GRIP2: variants seen among roughly 807,000 people sequenced by gnomAD.
GRIP2 encodes the protein glutamate receptor-interacting protein 2.
In GRIP2, 58 loss-of-function variants were observed where a neutral mutation model predicts 108.3. That is an observed-to-expected ratio of 0.54 (90% CI 0.43 to 0.67). The LOEUF is 0.67. Among genes scored for constraint, GRIP2 ranks in the 30% least tolerant of loss-of-function variants. The pLI, the probability that GRIP2 is intolerant of heterozygous loss-of-function variation, is 0.00. For synonymous variants in GRIP2, 586 were observed against 598.2 expected, an observed-to-expected ratio of 0.98 and a Z score of 0.30; for missense variants, 1,278 against 1,430.6, an observed-to-expected ratio of 0.89 and a Z score of 1.72.
chr3:14,518,348 G>A (rs1575009881), intron 9 of GRIP2, among the ~76,000 whole-genome samples: 4 of 152,184 alleles, frequency 2.6e-5, no homozygotes, highest in Admixed American at 6.5e-5. Context: ...GCTGAGCACC[G>A]GGGCACTAGG....
At chr3:14,566,073 C>A in the GRIP2 span, among the ~76,000 whole-genome samples, 2 of 152,236 alleles carry the variant, frequency 1.3e-5, no homozygotes, top group Non-Finnish European at 2.9e-5. Context: ...TCTCAGACAG[C>A]CCAGCCTTGC....
chr3:14,569,053 G>A, the GRIP2 span, among the ~76,000 whole-genome samples: 4 of 152,192 alleles, frequency 2.6e-5, no homozygotes, highest in Admixed American at 2.6e-4. Flanking sequence ...CTGACAGGCA[G>A]AAGCTGGGCC....
chr3:14,544,287 T>C (rs1009968169), upstream of GRIP2, among the ~76,000 whole-genome samples: 1 of 152,154 alleles, frequency 6.6e-6, no homozygotes, highest in Non-Finnish European at 1.5e-5. Context: ...GGGGCACCAC[T>C]GGCACTAGAG....
At chr3:14,493,950 A>G in intron 23 of GRIP2, 124 bp from the exon 24 acceptor site, 2 of 869,096 alleles carry the variant, frequency 2.3e-6, no homozygotes, top group South Asian at 3.7e-5. Flanking sequence ...CCCTGACATC[A>G]CCAGCACCAC....
At chr3:14,578,652 G>C in the GRIP2 span, among the ~76,000 whole-genome samples, 6 of 152,032 alleles carry the variant, frequency 3.9e-5, no homozygotes, top group African/African-American at 7.3e-5. Context: ...GGGAGGCAAA[G>C]GTTGCAGTGA....
chr3:14,532,531 T>C (rs1183064613), intron 1 of GRIP2, among the ~76,000 whole-genome samples: 3 of 152,178 alleles, frequency 2.0e-5, no homozygotes, highest in African/African-American at 7.2e-5. Flanking sequence ...CAGGAGCATC[T>C]GTGGCCAACA....
Position 14,513,669 on chromosome 3 carries a change from C to A in GRIP2, c.1635G>T (p.Val545=). Residue 545 remains valine, a synonymous_variant, in exon 13 of 24, where the codon GTG becomes GTT. Coordinates refer to ENST00000621039, the MANE Select transcript of GRIP2 (RefSeq NM_001080423.4). Reference sequence around the variant, plus strand: ...AAGCTTGGGCCACTCACTCACCCGCCACATCGAACTCCACCTCCAGCACGA... The same window carrying A: ...AAGCTTGGGCCACTCACTCACCCGCAACATCGAACTCCACCTCCAGCACGA... ...HKVVLEVEFD[V]AESVIPSSGT... is the part of the protein sequence containing the mutation. 1 of 1,609,128 alleles carries A rather than the reference C, an allele frequency of 6.2e-7. No individual in the cohort carries two copies. Among genetic ancestry groups the A allele is most frequent in the East Asian group, 2.2e-5 (1 of 44,626 alleles).
intron 1 of GRIP2, among the ~76,000 whole-genome samples, chr3:14,535,090 C>T (rs969138102): frequency 2.6e-5 from 4 of 151,960 alleles, no homozygotes; most frequent in East Asian, 3.9e-4. Context: ...TTTGCAGGGA[C>T]GGTGAGCTGT....
At chr3:14,558,271 A>G (rs573789878), upstream of GRIP2, among the ~76,000 whole-genome samples, 4 of 152,204 alleles carry the variant, frequency 2.6e-5, no homozygotes, top group Non-Finnish European at 5.9e-5. Flanking sequence ...CCGCTGCCAC[A>G]TCTAGGCCCA....
At chr3:14,557,881 T>G (rs540927941), upstream of GRIP2, among the ~76,000 whole-genome samples, 3 of 152,226 alleles carry the variant, frequency 2.0e-5, no homozygotes, top group South Asian at 6.2e-4. Flanking sequence ...ATCTGACAGA[T>G]GGGGCTAACA....
At position 14,489,536 on chromosome 3, in the gene GRIP2, C is replaced by T. The variant is rs1701276992; in HGVS notation, c.*4129G>A. 6.6e-6 allele frequency: 1 copy of T among 152,320 alleles called. No homozygotes were observed. The highest frequency in any genetic ancestry group is 6.5e-5 in the Admixed American group (1 of 15,280). The allele number at this position is 152,320 out of a possible 1,614,324, so 9.4% of individuals were successfully genotyped here. A position where few individuals can be genotyped will look rare whatever the true frequency, so the allele number is the denominator to read the frequency against. The stretch of plus-strand genomic sequence containing the variant: ...GCTCACTCAGGGGTACACAGCAAGT[C>T]CATGAAAGAACCTGGATTCGCACCC... On this transcript the variant is annotated 3_prime_UTR_variant, in exon 24 of 24. Transcript: ENST00000621039.
chr3:14,520,601 C>T (rs373604526), intron 7 of GRIP2, 64 bp from the exon 8 acceptor site: 3 of 1,550,016 alleles, frequency 1.9e-6, no homozygotes, highest in South Asian at 2.3e-5. Flanking sequence ...CCAGCCTCAC[C>T]CTGCTATCCT....
chr3:14,560,102 T>A (rs554740192), upstream of GRIP2, among the ~76,000 whole-genome samples: 9 of 151,950 alleles, frequency 5.9e-5, no homozygotes, highest in South Asian at 4.2e-4. Flanking sequence ...TTTTTTTTTT[T>A]AATTAGCCTG....
chr3:14,545,252 C>T (rs1483226872), upstream of GRIP2, among the ~76,000 whole-genome samples: 1 of 152,262 alleles, frequency 6.6e-6, no homozygotes, highest in African/African-American at 2.4e-5. Flanking sequence ...AACATCTCCA[C>T]TTCAGAGATG....
the GRIP2 span, among the ~76,000 whole-genome samples, chr3:14,572,611 C>CAGAAAAAAAA: frequency 2.1e-5 from 1 of 46,958 alleles, no homozygotes; most frequent in African/African-American, 9.5e-5. Flanking sequence ...GACTCCGTCT[C>CAGAAAAAAAA]AAAAAAAAAA....
In GRIP2 at chr3:14,507,781, G is replaced by A. The variant is rs768939379; in HGVS notation, c.2079-81C>T. On this transcript the variant is annotated intron_variant, in intron 17 of 23. Transcript: ENST00000621039. This position sits in a 1 kb window ranked among gnomAD's most constrained non-coding sequence, Gnocchi z 4.6. ...GGCAGTCTGCCCTCAGGGAATCCAG[G>A]AGAGCCACAAAGCAGAAGTCTGGCT... 1 of 1,524,274 alleles carries A rather than the reference G, an allele frequency of 6.6e-7. No individual in the cohort carries two copies. The highest frequency in any genetic ancestry group is 1.4e-5 in the African/African-American group (1 of 73,050). 94.4% of individuals were successfully genotyped at this position (1,524,274 alleles called of 1,614,324 possible).
At chr3:14,554,100 T>A (rs1695196312) in intron 1 of GRIP2, among the ~76,000 whole-genome samples, 6 of 151,718 alleles carry the variant, frequency 4.0e-5, no homozygotes, top group Admixed American at 3.9e-4. Flanking sequence ...ATTCCAGGAG[T>A]CTACTGTGTG....
intron 11 of GRIP2, among the ~76,000 whole-genome samples, chr3:14,514,922 A>G (rs1224719902): frequency 2.0e-5 from 3 of 152,194 alleles, no homozygotes; most frequent in Non-Finnish European, 1.5e-5. Flanking sequence ...CAATTATGCA[A>G]ACATCACCAC....
At position 14,522,558 on chromosome 3, in the gene GRIP2, C is replaced by T. The variant is rs1694442393; in HGVS notation, c.566+442G>A. 1 of 162,436 alleles carries T rather than the reference C, an allele frequency of 6.2e-6. No individual in the cohort carries two copies. The highest frequency in any genetic ancestry group is 1.4e-5 in the Non-Finnish European group (1 of 73,894). 10.1% of individuals were successfully genotyped at this position (162,436 alleles called of 1,614,324 possible). On this transcript the variant is annotated intron_variant, in intron 6 of 23. Coordinates refer to ENST00000621039, the MANE Select transcript of GRIP2 (RefSeq NM_001080423.4). This position sits in a 1 kb window ranked among gnomAD's most constrained non-coding sequence, Gnocchi z 4.3. Reference sequence around the variant, plus strand: ...GACATGTTCTTTCCCCACATTCTCTCCTCCTGGCCCTTCTGGGCTGGGCCC... The same window carrying T: ...GACATGTTCTTTCCCCACATTCTCTTCTCCTGGCCCTTCTGGGCTGGGCCC...
Sources: gnomAD v4.1 joint callset for allele counts (sites outside exome capture counted in the v4.1 genomes callset) on GRCh38, gnomAD v4.1.1 for gene constraint, Gnocchi (gnomAD v3.1) non-coding constraint, MANE v1.5 for transcripts, NCBI Gene and HGNC (gene_info 2026-07-23, HGNC 2026-07-21) for gene names.